ENTREP2: variants seen among roughly 807,000 people sequenced by gnomAD.
ENTREP2 encodes protein ENTREP2.
chr15:29,207,119 C>A, the ENTREP2 span, among the ~76,000 whole-genome samples: 2 of 152,276 alleles, frequency 1.3e-5, no homozygotes, highest in South Asian at 2.1e-4. Context: ...TACTCCAGAG[C>A]ATCAAGGACT....
chr15:29,253,912 G>GTA, the ENTREP2 span, among the ~76,000 whole-genome samples: 1 of 151,888 alleles, frequency 6.6e-6, no homozygotes, highest in South Asian at 2.1e-4. Context: ...TTACCCTGAG[G>GTA]TATAGTTCAT....
chr15:29,538,865 C>A, the ENTREP2 span, among the ~76,000 whole-genome samples: 1 of 151,932 alleles, frequency 6.6e-6, no homozygotes, highest in Admixed American at 6.6e-5. Context: ...TTTGTGTAAT[C>A]TAAAATTGTG....
chr15:29,398,492 G>A, the ENTREP2 span, among the ~76,000 whole-genome samples: 2 of 152,240 alleles, frequency 1.3e-5, no homozygotes, highest in Admixed American at 6.5e-5. Flanking sequence ...GGGAGGCCGA[G>A]GCTAGCGGAT....
the ENTREP2 span, among the ~76,000 whole-genome samples, chr15:29,325,280 G>C: frequency 2.6e-5 from 4 of 151,972 alleles, no homozygotes; most frequent in African/African-American, 9.7e-5. Flanking sequence ...AAACTAGAGA[G>C]AGAAGAGCAA....
chr15:29,375,897 G>A, the ENTREP2 span: 1 of 151,978 alleles, frequency 6.6e-6, no homozygotes, highest in Non-Finnish European at 1.5e-5. Flanking sequence ...TGATTGAGCC[G>A]TGATGGATAC....
the ENTREP2 span, among the ~76,000 whole-genome samples, chr15:29,321,464 A>G: frequency 6.6e-4 from 100 of 152,144 alleles, no homozygotes; most frequent in Middle Eastern, 3.4e-3. Context: ...CCTGGCCAAG[A>G]TGGTGGAATC....
chr15:29,489,872 G>A, the ENTREP2 span, among the ~76,000 whole-genome samples: 1 of 152,294 alleles, frequency 6.6e-6, no homozygotes, highest in East Asian at 1.9e-4. Flanking sequence ...CACAGGTCTC[G>A]AGATGGCTGA....
chr15:29,180,960 A>G, the ENTREP2 span, among the ~76,000 whole-genome samples: 1 of 152,076 alleles, frequency 6.6e-6, no homozygotes, highest in Non-Finnish European at 1.5e-5. Flanking sequence ...AATGGAGAAG[A>G]GAGCAGAAAC....
At chr15:29,286,412 C>T in the ENTREP2 span, among the ~76,000 whole-genome samples, 2 of 152,178 alleles carry the variant, frequency 1.3e-5, no homozygotes, top group Admixed American at 1.3e-4. Flanking sequence ...ATATGTGGTA[C>T]ATTTTCCCAA....
chr15:29,458,711 T>C, the ENTREP2 span, among the ~76,000 whole-genome samples: 1 of 152,216 alleles, frequency 6.6e-6, no homozygotes, highest in Non-Finnish European at 1.5e-5. Flanking sequence ...CATTTTTATA[T>C]GAAAAAGGAG....
At chr15:29,508,078 C>G in the ENTREP2 span, among the ~76,000 whole-genome samples, 39 of 152,160 alleles carry the variant, frequency 2.6e-4, 1 homozygote, top group African/African-American at 8.9e-4. Context: ...TTACCACTGA[C>G]CCCACAGAAA....
the ENTREP2 span, chr15:29,196,319 CT>C: frequency 8.2e-7 from 1 of 1,219,604 alleles, no homozygotes; most frequent in South Asian, 1.6e-5. Context: ...TGCACTGAAC[CT>C]ACCCCGGGAA....
chr15:29,641,787 G>A, the ENTREP2 span, among the ~76,000 whole-genome samples: 1 of 148,778 alleles, frequency 6.7e-6, no homozygotes, highest in Non-Finnish European at 1.5e-5. Flanking sequence ...AGCCAAGATT[G>A]CGCCACTGCA....
chr15:29,406,959 A>G, the ENTREP2 span, among the ~76,000 whole-genome samples: 2 of 152,326 alleles, frequency 1.3e-5, no homozygotes, highest in East Asian at 1.9e-4. Flanking sequence ...CTACAATTAC[A>G]GTGCCTTTAA....
At chr15:29,531,066 A>G in the ENTREP2 span, among the ~76,000 whole-genome samples, 6 of 152,186 alleles carry the variant, frequency 3.9e-5, no homozygotes, top group African/African-American at 1.2e-4. Context: ...CTGGCCACAC[A>G]TGGAGTCGTG....
chr15:29,281,342 T>C, the ENTREP2 span, among the ~76,000 whole-genome samples: 1 of 152,200 alleles, frequency 6.6e-6, no homozygotes, highest in Admixed American at 6.5e-5. Context: ...GGAGGTTATA[T>C]AATAAGTGAC....
the ENTREP2 span, among the ~76,000 whole-genome samples, chr15:29,255,773 G>A: frequency 0.038 from 5,794 of 151,980 alleles, 370 homozygotes; most frequent in African/African-American, 0.13. Flanking sequence ...GGGTCGAGGC[G>A]GGCGGATCAA....
chr15:29,142,351 C>G, the ENTREP2 span, among the ~76,000 whole-genome samples: 1 of 152,188 alleles, frequency 6.6e-6, no homozygotes, highest in African/African-American at 2.4e-5. Flanking sequence ...ATTGTGTGTC[C>G]ACATCATTTT....
the ENTREP2 span, among the ~76,000 whole-genome samples, chr15:29,487,298 G>A: frequency 6.6e-6 from 1 of 152,160 alleles, no homozygotes; most frequent in South Asian, 2.1e-4. Context: ...GAAGACCCCA[G>A]TCTTTCACCT....
Sources: allele counts gnomAD v4.1 joint callset (sites outside exome capture counted in the v4.1 genomes callset), GRCh38; gene constraint gnomAD v4.1.1; transcripts MANE v1.5; gene names NCBI Gene and HGNC (gene_info 2026-07-23, HGNC 2026-07-21).